The following THOC5 variants were observed in gnomAD, a reference collection of about 807,000 sequenced individuals.
The protein encoded by THOC5 is THO complex subunit 5, also known as Fms-interacting protein.
A neutral mutation model predicts 92.9 loss-of-function variants in THOC5; 43 were observed. The observed-to-expected ratio is 0.46, with a 90% CI of 0.36 to 0.60. The LOEUF (loss-of-function observed/expected upper bound fraction) is 0.60, where lower values mean the gene tolerates loss of function less well. Among genes scored for constraint, THOC5 ranks in the 20% least tolerant of loss-of-function variants. The pLI is 0.00. For missense variants in THOC5, 659 were observed against 849.4 expected (o/e 0.78, Z 2.79); for synonymous variants, 296 against 320.1 (o/e 0.92, Z 0.80).
chr22:29,522,956 G>A (rs1397777594), intron 12 of THOC5, among the ~76,000 whole-genome samples: 4 of 151,122 alleles, frequency 2.6e-5, no homozygotes, highest in Non-Finnish European at 4.4e-5. Context: ...AGCTGAGATC[G>A]TACCACTGCA....
In THOC5 at chr22:29,506,439, G is replaced by C. The variant is rs1169050263; in HGVS notation, c.*2018C>G. On this transcript the variant is annotated 3_prime_UTR_variant, in exon 20 of 20. Coordinates refer to ENST00000490103, the MANE Select transcript of THOC5 (RefSeq NM_003678.5). ...TATAATCCTAGCACTTTGGGAGGCC[G>C]AGGTGGGAGGATCATTTGAGCCCAG... 6.6e-6 allele frequency: 1 copy of C among 152,172 alleles called. No individual in the cohort carries two copies. The highest frequency in any genetic ancestry group is 2.4e-5 in the African/African-American group (1 of 41,442). 9.4% of individuals were successfully genotyped at this position (152,172 alleles called of 1,614,324 possible). A position where few individuals can be genotyped will look rare whatever the true frequency, so the allele number is the denominator to read the frequency against.
At chr22:29,524,626 A>C (rs2063507651) in intron 12 of THOC5, among the ~76,000 whole-genome samples, 1 of 152,176 alleles carries the variant, frequency 6.6e-6, no homozygotes, top group African/African-American at 2.4e-5. Context: ...GCTCAGAAGC[A>C]AGCCCTGGGC....
At chr22:29,541,731 A>G (rs1399185991) in intron 5 of THOC5, among the ~76,000 whole-genome samples, 1 of 148,688 alleles carries the variant, frequency 6.7e-6, no homozygotes, top group Non-Finnish European at 1.5e-5. Flanking sequence ...CGTGGTGGCA[A>G]GCGCCTGTAG....
In THOC5 at chr22:29,545,187, C is replaced by T. The variant is rs745891427; in HGVS notation, c.97-584G>A. On this transcript the variant is annotated intron_variant, in intron 2 of 19. Transcript: ENST00000490103. ...AACCCCTTATAAACCCATCAGATGT[C>T]GTGAGACTTATTCACTATCATGAGA... 3.1e-5 allele frequency: 9 copies of T among 293,332 alleles called. No homozygotes were observed. The East Asian group carries it at 7.4e-4, about 24-fold the overall frequency. 18.2% of individuals were successfully genotyped at this position (293,332 alleles called of 1,614,324 possible).
At chr22:29,536,518 A>G (rs1291717446) in intron 7 of THOC5, 106 bp downstream of exon 7, 3 of 693,596 alleles carry the variant, frequency 4.3e-6, no homozygotes, top group Admixed American at 4.5e-5. Context: ...TCCTTATACT[A>G]TACTCTAATT....
rs200425244 is a variant in THOC5, at chr22:29,526,158, G to A, written c.1067-212C>T. Among the ~76,000 whole-genome samples the A allele has an allele frequency of 1.8e-4, 27 of 152,146 alleles. No homozygotes were observed. In the East Asian group the frequency reaches 4.2e-3, roughly 24 times the overall value. ...AATCGGCACATGTATCCCCAGAATC[G>A]AAAATAAAAGTTGAAATTATAACAA... is the stretch of plus-strand genomic sequence containing the variant. On this transcript the variant is annotated intron_variant, in intron 11 of 19. Transcript: ENST00000490103.
chr22:29,528,488 A>G, intron 9 of THOC5, 22 bp from the exon 10 acceptor site: 1 of 1,612,196 alleles, frequency 6.2e-7, no homozygotes, highest in Non-Finnish European at 8.5e-7. Flanking sequence ...GAGAGAAGGC[A>G]GCTAGAGGTG....
intron 6 of THOC5, 49 bp downstream of exon 6, chr22:29,539,281 A>G: frequency 6.3e-7 from 1 of 1,592,912 alleles, no homozygotes; most frequent in Non-Finnish European, 8.6e-7. Flanking sequence ...GGGTCATGAC[A>G]AAGCACTGAC....
At chr22:29,524,969 CAGA>C (rs1298520654) in intron 12 of THOC5, among the ~76,000 whole-genome samples, 5 of 152,234 alleles carry the variant, frequency 3.3e-5, no homozygotes, top group South Asian at 2.1e-4. Flanking sequence ...CCCATGTTTG[CAGA>C]AGAAGAATGC....
rs529382423 is a variant in THOC5, at chr22:29,526,011, T to C, written c.1067-65A>G. 1.7e-4 allele frequency: 103 copies of C among 602,030 alleles called. 1 individual carries two copies. Among genetic ancestry groups the C allele is most frequent in the South Asian group, 1.4e-3 (93 of 66,406 alleles). The allele number at this position is 602,030 out of a possible 1,614,324, so 37.3% of individuals were successfully genotyped here. On this transcript the variant is annotated intron_variant, in intron 11 of 19. Coordinates refer to ENST00000490103, the MANE Select transcript of THOC5 (RefSeq NM_003678.5). Reference sequence around the variant, plus strand: ...ACTCAGAGCAGAGTGAACAGAGTCATAGGGGGTAGTAAGGTGGGGGGGTCA... The same window carrying C: ...ACTCAGAGCAGAGTGAACAGAGTCACAGGGGGTAGTAAGGTGGGGGGGTCA...
chr22:29,536,669 C>T lies in THOC5; in HGVS notation c.669G>A (p.Lys223=), dbSNP rs1355404628. 1.9e-6 allele frequency: 3 copies of T among 1,613,916 alleles called. No individual in the cohort carries two copies. The highest frequency in any genetic ancestry group is 2.2e-5 in the East Asian group (1 of 44,878). The part of the protein sequence containing the change: ...EKILKEIEVK[K]EYLSSLQPRL... The stretch of plus-strand genomic sequence containing the variant: ...GGGGCTGGAGGCTGCTCAGGTACTC[C>T]TTCTTCACCTCAATCTCCTTGAGAA... The change falls in exon 7 of 20, where the codon AAG becomes AAA. Residue 223 remains lysine, a synonymous_variant. Coordinates refer to ENST00000490103, the MANE Select transcript of THOC5 (RefSeq NM_003678.5).
In THOC5 at chr22:29,548,095, C is replaced by T. The variant is rs1392260191; in HGVS notation, c.96+957G>A. On this transcript the variant is annotated intron_variant, in intron 2 of 19. Coordinates refer to ENST00000490103, the MANE Select transcript of THOC5 (RefSeq NM_003678.5). ...ATAATAAGAACAGCATGGGAAAGACCGGCCCCCATGATTCAATTACCTCCT... is the reference window on the plus strand; with the variant it reads ...ATAATAAGAACAGCATGGGAAAGACTGGCCCCCATGATTCAATTACCTCCT... Among the ~76,000 whole-genome samples the T allele has an allele frequency of 3.3e-5, 5 of 152,082 alleles. No individual in the cohort carries two copies. In the East Asian group the frequency reaches 5.8e-4, roughly 18 times the overall value.
In THOC5 at chr22:29,539,317, G is replaced by T. The variant is rs1294235542; in HGVS notation, c.599+13C>A. 2.5e-5 allele frequency: 41 copies of T among 1,612,606 alleles called. No individual in the cohort carries two copies. The highest frequency in any genetic ancestry group is 3.5e-5 in the Non-Finnish European group (41 of 1,179,188). ...ACTTTGTGGTTAAAAGGTCAGGAAGGAGGAAATGCTACCTTTTCCGCTGCT... is the reference window on the plus strand; with the variant it reads ...ACTTTGTGGTTAAAAGGTCAGGAAGTAGGAAATGCTACCTTTTCCGCTGCT... On this transcript the variant is annotated intron_variant, in intron 6 of 19. Coordinates refer to ENST00000490103, the MANE Select transcript of THOC5 (RefSeq NM_003678.5).
chr22:29,528,237 T>C (rs960090444), intron 10 of THOC5, 60 bp from the exon 11 acceptor site: 9 of 1,613,822 alleles, frequency 5.6e-6, no homozygotes, highest in Admixed American at 5.0e-5. Flanking sequence ...CCCTTCCCTC[T>C]CCCAACCAGC....
At chr22:29,532,780 C>A (rs528449663) in intron 7 of THOC5, among the ~76,000 whole-genome samples, 1 of 152,288 alleles carries the variant, frequency 6.6e-6, no homozygotes, top group South Asian at 2.1e-4. Flanking sequence ...GAGTTTGAGA[C>A]CAGCCTGGCC....
At chr22:29,514,161 G>A (rs2063285503) in intron 17 of THOC5, 2 of 152,110 alleles carry the variant, frequency 1.3e-5, no homozygotes, top group African/African-American at 4.8e-5. Flanking sequence ...ATCTTGGCCA[G>A]GCTGGTCTTG....
chr22:29,534,994 T>C (rs1000381493), intron 7 of THOC5: 1 of 120,466 alleles, frequency 8.3e-6, no homozygotes, highest in African/African-American at 3.2e-5. Flanking sequence ...TTAGGCCGGG[T>C]GTGGGGGCTC....
intron 7 of THOC5, chr22:29,535,939 T>C (rs1214469222): frequency 3.3e-5 from 5 of 152,124 alleles, no homozygotes. Context: ...CCACCCGAAG[T>C]GCTAGGATTA....
chr22:29,549,272 A>C, intron 1 of THOC5, 114 bp from the exon 2 acceptor site: 1 of 831,722 alleles, frequency 1.2e-6, no homozygotes, highest in Non-Finnish European at 2.0e-6. Context: ...TTAACCCCTC[A>C]AAGCCTCAAT....
Sources: allele counts gnomAD v4.1 joint callset (sites outside exome capture counted in the v4.1 genomes callset), GRCh38; gene constraint gnomAD v4.1.1; transcripts MANE v1.5; gene names NCBI Gene and HGNC (gene_info 2026-07-23, HGNC 2026-07-21).